Variants in PCTP observed in about 807,000 individuals in gnomAD.
The protein encoded by PCTP is phosphatidylcholine transfer protein, also known as START domain-containing protein 2.
In PCTP, 27 loss-of-function variants were observed where a neutral mutation model predicts 31.0. That is an observed-to-expected ratio of 0.87 (90% CI 0.64 to 1.20). The LOEUF is 1.20. Among genes scored for constraint, PCTP ranks in the 50% most tolerant of loss-of-function variants. The probability of loss-of-function intolerance (pLI) is 0.00; values close to 1 mark genes in which losing one functional copy is unlikely to be tolerated. For synonymous variants in PCTP, 108 were observed against 101.2 expected, an observed-to-expected ratio of 1.07 and a Z score of -0.40; for missense variants, 287 against 268.2, an observed-to-expected ratio of 1.07 and a Z score of -0.49.
At chr17:55,845,227 G>T (rs1906108678), downstream of PCTP, among the ~76,000 whole-genome samples, 6 of 151,946 alleles carry the variant, frequency 3.9e-5, no homozygotes, top group South Asian at 1.3e-3. Flanking sequence ...TTCCCTTTTA[G>T]CCTTCAGCTC....
At chr17:55,807,440 T>C (rs1020175490) in intron 3 of PCTP, among the ~76,000 whole-genome samples, 26 of 152,192 alleles carry the variant, frequency 1.7e-4, no homozygotes, top group African/African-American at 6.0e-4. Flanking sequence ...TAGTTAAACA[T>C]GGACTCTCCT....
chr17:55,832,554 G>A (rs766855770), intron 5 of PCTP, among the ~76,000 whole-genome samples: 2 of 152,166 alleles, frequency 1.3e-5, no homozygotes, highest in Non-Finnish European at 2.9e-5. Context: ...AGGCAAGAAT[G>A]CCTGAATATT....
intron 1 of PCTP, among the ~76,000 whole-genome samples, chr17:55,765,174 T>G (rs16956393): frequency 0.059 from 8,953 of 152,342 alleles, 261 homozygotes; most frequent in Admixed American, 0.065. Flanking sequence ...GAAGCAGTTG[T>G]TGAAAAATTC....
the PCTP span, among the ~76,000 whole-genome samples, chr17:55,851,075 C>T: frequency 6.6e-6 from 1 of 152,270 alleles, no homozygotes; most frequent in African/African-American, 2.4e-5. Flanking sequence ...CAAACTATCA[C>T]TCATGTGAAA....
At chr17:55,770,886 A>AT in intron 2 of PCTP, 2 of 395,166 alleles carry the variant, frequency 5.1e-6, no homozygotes, top group Admixed American at 4.9e-5. Flanking sequence ...TACCTGGCTG[A>AT]TTTTTTTGCT....
At chr17:55,826,956 GT>G (rs1372800117), downstream of PCTP, among the ~76,000 whole-genome samples, 1 of 148,876 alleles carries the variant, frequency 6.7e-6, no homozygotes, top group Non-Finnish European at 1.5e-5. Context: ...TTTTTTGTTT[GT>G]TGTTTATTAT....
intron 3 of PCTP, among the ~76,000 whole-genome samples, chr17:55,807,384 C>T (rs185135937): frequency 1.6e-4 from 25 of 152,250 alleles, no homozygotes; most frequent in African/African-American, 4.1e-4. Context: ...TTTTCACATG[C>T]GGCTTGGCAA....
At chr17:55,791,887 C>A (rs1284019140) in intron 3 of PCTP, among the ~76,000 whole-genome samples, 2 of 151,958 alleles carry the variant, frequency 1.3e-5, no homozygotes, top group African/African-American at 4.8e-5. Flanking sequence ...TTCACAATAG[C>A]AAAGACTTGG....
exon 6 of PCTP, chr17:55,842,727 A>G (rs903341315): frequency 1.1e-4 from 17 of 152,248 alleles, no homozygotes; most frequent in African/African-American, 4.1e-4. Flanking sequence ...TGGATTTCAG[A>G]CTCTTCAAAA....
At chr17:55,840,402 C>A (rs1273349587) in intron 5 of PCTP, among the ~76,000 whole-genome samples, 1 of 152,182 alleles carries the variant, frequency 6.6e-6, no homozygotes, top group Non-Finnish European at 1.5e-5. Context: ...TCCACAGTTG[C>A]ATAAACAGTA....
intron 2 of PCTP, chr17:55,770,223 C>T (rs566676397): frequency 6.6e-6 from 1 of 152,224 alleles, no homozygotes; most frequent in African/African-American, 2.4e-5. Flanking sequence ...TTTGGTCACC[C>T]TAGCTGTGGC....
chr17:55,780,655 A>G (rs1426774421), downstream of PCTP, among the ~76,000 whole-genome samples: 3 of 152,206 alleles, frequency 2.0e-5, no homozygotes, highest in African/African-American at 7.2e-5. Flanking sequence ...CTCATATAGC[A>G]TACTGCTTAG....
At chr17:55,780,115 AGAC>A (rs1156235715), downstream of PCTP, among the ~76,000 whole-genome samples, 2 of 150,938 alleles carry the variant, frequency 1.3e-5, no homozygotes, top group African/African-American at 2.4e-5. Flanking sequence ...TTGCTTGAGA[AGAC>A]AGAAGCATAA....
rs1310365611 is a variant in PCTP, at chr17:55,776,152, A to G, written c.*52A>G. On this transcript the variant is annotated 3_prime_UTR_variant, in exon 6 of 6. Transcript: ENST00000268896. ...ATGGGTTGATGTCTCTGGAAGTGCA[A>G]CCACCCAATGTCTCTGGAAGTGCCA... is the stretch of plus-strand genomic sequence containing the variant. 2 of 1,607,060 alleles carry G rather than the reference A, an allele frequency of 1.2e-6. No homozygotes were observed. The highest frequency in any genetic ancestry group is 2.7e-5 in the African/African-American group (2 of 74,692).
rs1341431743 is a variant in PCTP, at chr17:55,773,797, C to T, written c.413C>T (p.Thr138Ile). 2 of 1,613,798 alleles carry T rather than the reference C, an allele frequency of 1.2e-6. No homozygotes were observed. The highest frequency in any genetic ancestry group is 1.3e-5 in the African/African-American group (1 of 74,876). ...RKIHVILARS[T>I]SMPQLGERSG... ...ATCCATGTGATCCTGGCCCGGAGCA[C>T]CTCCATGCCTCAGCTTGGCGAGAGG... The change falls in exon 4 of 6, where the codon ACC (threonine) becomes ATC (isoleucine). Residue 138 changes from threonine to isoleucine, a missense_variant. Transcript: ENST00000268896.
chr17:55,832,186 G>A (rs533922665), intron 5 of PCTP, among the ~76,000 whole-genome samples: 1 of 152,206 alleles, frequency 6.6e-6, no homozygotes, highest in African/African-American at 2.4e-5. Flanking sequence ...TCACTACGCC[G>A]TTGGAAGTAT....
Position 55,776,267 on chromosome 17 carries a change from C to G in PCTP, c.*167C>G. On this transcript the variant is annotated 3_prime_UTR_variant, in exon 6 of 6. Transcript: ENST00000268896. ...GTTTCTGTCTTCAGAGGCCTACACACTACCACATCCTTTCTAAGCATGTTT... is the reference window on the plus strand; with the variant it reads ...GTTTCTGTCTTCAGAGGCCTACACAGTACCACATCCTTTCTAAGCATGTTT... 7.2e-7 allele frequency: 1 copy of G among 1,391,694 alleles called. No individual in the cohort carries two copies. Among genetic ancestry groups the G allele is most frequent in the Non-Finnish European group, 9.3e-7 (1 of 1,072,980 alleles). 86.2% of individuals were successfully genotyped at this position (1,391,694 alleles called of 1,614,324 possible).
chr17:55,807,888 A>G (rs1477248015), intron 3 of PCTP, among the ~76,000 whole-genome samples: 1 of 152,170 alleles, frequency 6.6e-6, no homozygotes, highest in Non-Finnish European at 1.5e-5. Flanking sequence ...TTTTTGGTAC[A>G]AAGCATTTTC....
chr17:55,784,370 C>T (rs961098350), intron 2 of PCTP, among the ~76,000 whole-genome samples: 1 of 152,200 alleles, frequency 6.6e-6, no homozygotes, highest in South Asian at 2.1e-4. Flanking sequence ...CACCATATTT[C>T]TTCCCATCCC....
Sources: gnomAD v4.1 joint callset for allele counts (sites outside exome capture counted in the v4.1 genomes callset) on GRCh38, gnomAD v4.1.1 for gene constraint, MANE v1.5 for transcripts, NCBI Gene and HGNC (gene_info 2026-07-23, HGNC 2026-07-21) for gene names.